The following SGCZ variants were observed in gnomAD, a reference collection of about 807,000 sequenced individuals.
The protein encoded by SGCZ is zeta-sarcoglycan.
Under a neutral mutation model 41.3 loss-of-function variants are expected in SGCZ, and 40 were observed. That is an observed-to-expected ratio of 0.97 (90% confidence interval 0.75 to 1.26). The LOEUF (loss-of-function observed/expected upper bound fraction) is 1.26, where lower values mean the gene tolerates loss of function less well. SGCZ is among the 50% of genes most tolerant of loss of function. SGCZ has a pLI of 0.00. For missense variants in SGCZ, 552 were observed against 369.8 expected, an observed-to-expected ratio of 1.49 and a Z score of -4.04; for synonymous variants, 206 against 137.5, an observed-to-expected ratio of 1.50 and a Z score of -3.49.
At chr8:15,216,260 T>C (rs1399573473) in intron 1 of SGCZ, among the ~76,000 whole-genome samples, 1 of 139,038 alleles carries the variant, frequency 7.2e-6, no homozygotes, top group Non-Finnish European at 1.5e-5. Flanking sequence ...TGCTCTGTCA[T>C]CCAGGCTGGA....
chr8:14,271,979 A>G (rs537660284), intron 3 of SGCZ, among the ~76,000 whole-genome samples: 1 of 152,052 alleles, frequency 6.6e-6, no homozygotes, highest in Non-Finnish European at 1.5e-5. Flanking sequence ...CATATATTGC[A>G]TGCTTTCATT....
At chr8:14,293,672 C>T (rs35897399) in intron 3 of SGCZ, among the ~76,000 whole-genome samples, 31,605 of 151,626 alleles carry the variant, frequency 0.21, 4,333 homozygotes, top group Non-Finnish European at 0.31. Context: ...GGTTAATTAA[C>T]GACTGAAATT....
At chr8:14,958,791 C>T (rs1443967419) in intron 1 of SGCZ, among the ~76,000 whole-genome samples, 2 of 151,876 alleles carry the variant, frequency 1.3e-5, no homozygotes, top group Admixed American at 6.6e-5. Flanking sequence ...CGGAAACACA[C>T]AGATGTCTGC....
At chr8:15,209,586 T>C (rs562098114) in intron 1 of SGCZ, among the ~76,000 whole-genome samples, 1 of 151,962 alleles carries the variant, frequency 6.6e-6, no homozygotes, top group African/African-American at 2.4e-5. Context: ...TTTTGTGGGA[T>C]AGACATTTTG....
chr8:14,924,257 C>A (rs1799676604), intron 1 of SGCZ, among the ~76,000 whole-genome samples: 1 of 152,194 alleles, frequency 6.6e-6, no homozygotes, highest in Admixed American at 6.5e-5. Flanking sequence ...AAGCTAGTTA[C>A]ATCTTCTGTT....
chr8:14,131,258 G>A (rs996192187), intron 5 of SGCZ, among the ~76,000 whole-genome samples: 1 of 152,258 alleles, frequency 6.6e-6, no homozygotes, highest in South Asian at 2.1e-4. Flanking sequence ...AAAGGGAGGA[G>A]CAAAGAACGC....
At chr8:14,825,983 A>G (rs1037668038) in intron 1 of SGCZ, among the ~76,000 whole-genome samples, 2 of 151,816 alleles carry the variant, frequency 1.3e-5, no homozygotes, top group African/African-American at 4.8e-5. Context: ...ACATGTGCAC[A>G]ATGTGCAGGT....
intron 2 of SGCZ, among the ~76,000 whole-genome samples, chr8:14,401,426 A>G (rs1159469767): frequency 8.2e-6 from 1 of 122,394 alleles, no homozygotes; most frequent in Non-Finnish European, 1.7e-5. Flanking sequence ...TCCTAAAGCT[A>G]TCCCTCCCCC....
intron 4 of SGCZ, among the ~76,000 whole-genome samples, chr8:14,206,409 C>T (rs1241910218): frequency 1.3e-5 from 2 of 152,106 alleles, no homozygotes; most frequent in East Asian, 1.9e-4. Context: ...TAAATAAGCA[C>T]ACACAATGGA....
At chr8:14,608,090 G>A (rs1290786282) in intron 1 of SGCZ, among the ~76,000 whole-genome samples, 1 of 152,100 alleles carries the variant, frequency 6.6e-6, no homozygotes, top group Non-Finnish European at 1.5e-5. Flanking sequence ...GTCCCTTGAT[G>A]ACTTCCAGCA....
At chr8:14,311,665 G>C (rs957707597) in intron 3 of SGCZ, among the ~76,000 whole-genome samples, 3 of 152,162 alleles carry the variant, frequency 2.0e-5, no homozygotes, top group Non-Finnish European at 4.4e-5. Context: ...AATGAGGTCA[G>C]CTCTTACATA....
At chr8:15,044,813 G>C (rs974304741) in intron 1 of SGCZ, among the ~76,000 whole-genome samples, 1 of 152,062 alleles carries the variant, frequency 6.6e-6, no homozygotes, top group Admixed American at 6.6e-5. Flanking sequence ...AGCACAGCTT[G>C]AGTGAAGACA....
intron 1 of SGCZ, among the ~76,000 whole-genome samples, chr8:14,882,282 G>A (rs902036921): frequency 6.6e-6 from 1 of 152,058 alleles, no homozygotes; most frequent in Non-Finnish European, 1.5e-5. Flanking sequence ...GGGAACCTTT[G>A]GGAAGCATAT....
chr8:14,453,432 G>A (rs1800655503), intron 2 of SGCZ, among the ~76,000 whole-genome samples: 1 of 151,966 alleles, frequency 6.6e-6, no homozygotes. Flanking sequence ...TGTTTATTTT[G>A]TCTTTTTCTT....
At chr8:15,169,561 A>G (rs1481953234) in intron 1 of SGCZ, among the ~76,000 whole-genome samples, 1 of 152,154 alleles carries the variant, frequency 6.6e-6, no homozygotes, top group Non-Finnish European at 1.5e-5. Flanking sequence ...TTAGCTGACT[A>G]AGGAAAAGTC....
intron 2 of SGCZ, among the ~76,000 whole-genome samples, chr8:14,545,756 T>A (rs73533122): frequency 2.7e-3 from 414 of 152,276 alleles, no homozygotes; most frequent in African/African-American, 9.5e-3. Context: ...GTACAATATA[T>A]CAAACCTATC....
chr8:15,019,954 T>A (rs1207761433), intron 1 of SGCZ, among the ~76,000 whole-genome samples: 1 of 151,454 alleles, frequency 6.6e-6, no homozygotes. Context: ...CTTAGAATCA[T>A]CATTTATATA....
At chr8:14,439,812 A>G (rs937974457) in intron 2 of SGCZ, among the ~76,000 whole-genome samples, 5 of 152,030 alleles carry the variant, frequency 3.3e-5, no homozygotes, top group Non-Finnish European at 7.4e-5. Context: ...TGGAACTTAT[A>G]TTATGCTTAA....
intron 3 of SGCZ, among the ~76,000 whole-genome samples, chr8:14,283,549 A>G (rs1378383747): frequency 6.6e-6 from 1 of 152,210 alleles, no homozygotes; most frequent in Admixed American, 6.5e-5. Context: ...GCCATTTGAG[A>G]GTACTTGGGG....
Sources: gnomAD v4.1 joint callset for allele counts (sites outside exome capture counted in the v4.1 genomes callset) on GRCh38, gnomAD v4.1.1 for gene constraint, MANE v1.5 for transcripts, NCBI Gene and HGNC (gene_info 2026-07-23, HGNC 2026-07-21) for gene names.